Variants in CPNE4 observed in about 807,000 individuals in gnomAD.
The protein encoded by CPNE4 is copine-4.
A neutral mutation model predicts 67.9 loss-of-function variants in CPNE4; 25 were observed. The observed-to-expected ratio is 0.37, with a 90% CI of 0.27 to 0.51. CPNE4 has a LOEUF of 0.51. Among genes scored for constraint, CPNE4 ranks in the 20% least tolerant of loss-of-function variants. The pLI is 0.93. For missense variants in CPNE4, 464 were observed against 690.8 expected, an observed-to-expected ratio of 0.67 and a Z score of 3.68; for synonymous variants, 242 against 244.9, an observed-to-expected ratio of 0.99 and a Z score of 0.11.
intron 1 of CPNE4, among the ~76,000 whole-genome samples, chr3:131,982,832 G>A (rs2072941156): frequency 6.6e-6 from 1 of 151,782 alleles, no homozygotes; most frequent in African/African-American, 2.4e-5. Flanking sequence ...ACTTTAAATT[G>A]GCTTACAATA....
intron 1 of CPNE4, among the ~76,000 whole-genome samples, chr3:131,940,160 TATG>T (rs1390697363): frequency 6.6e-6 from 1 of 152,118 alleles, no homozygotes; most frequent in African/African-American, 2.4e-5. Context: ...ATTAAGGCAT[TATG>T]ATAATTTATA....
chr3:131,862,381 C>T (rs1415455753), intron 2 of CPNE4, among the ~76,000 whole-genome samples: 1 of 152,142 alleles, frequency 6.6e-6, no homozygotes, highest in Non-Finnish European at 1.5e-5. Context: ...CTGTCACATC[C>T]TCATTGTACC....
intron 7 of CPNE4, among the ~76,000 whole-genome samples, chr3:131,667,998 T>G (rs141161909): frequency 6.6e-6 from 1 of 152,310 alleles, no homozygotes; most frequent in East Asian, 1.9e-4. Flanking sequence ...TTGGCCATTC[T>G]GCATAGGAGC....
intron 2 of CPNE4, among the ~76,000 whole-genome samples, chr3:131,810,456 G>A (rs922263205): frequency 1.3e-5 from 2 of 151,826 alleles, no homozygotes; most frequent in African/African-American, 4.8e-5. Context: ...TGAGGGAAAC[G>A]CAAATCAAAA....
intron 1 of CPNE4, among the ~76,000 whole-genome samples, chr3:131,996,334 T>C (rs1337618673): frequency 2.6e-5 from 4 of 151,748 alleles, no homozygotes. Context: ...AGAAACTCTA[T>C]TAAAAATAAA....
intron 1 of CPNE4, among the ~76,000 whole-genome samples, chr3:131,930,695 T>C (rs1183993226): frequency 3.9e-5 from 6 of 152,154 alleles, no homozygotes; most frequent in Non-Finnish European, 8.8e-5. Flanking sequence ...CTTGTTTCAG[T>C]TGGAACAGAC....
At chr3:131,645,353 A>G (rs964875552) in intron 7 of CPNE4, among the ~76,000 whole-genome samples, 1 of 152,202 alleles carries the variant, frequency 6.6e-6, no homozygotes, top group South Asian at 2.1e-4. Flanking sequence ...AGAGAACACA[A>G]GTATGTTTCA....
intron 3 of CPNE4, among the ~76,000 whole-genome samples, chr3:131,721,140 C>T (rs1427699849): frequency 1.3e-5 from 2 of 151,978 alleles, no homozygotes; most frequent in African/African-American, 4.8e-5. Flanking sequence ...ATTTTCATTC[C>T]ATCTTTATCC....
chr3:131,644,731 G>A (rs543045123), intron 7 of CPNE4, among the ~76,000 whole-genome samples: 2 of 152,214 alleles, frequency 1.3e-5, no homozygotes, highest in South Asian at 4.1e-4. Flanking sequence ...CATCCTCTGG[G>A]ACTTACAGGA....
At chr3:131,566,080 T>A (rs2107667974) in intron 10 of CPNE4, among the ~76,000 whole-genome samples, 2 of 151,990 alleles carry the variant, frequency 1.3e-5, no homozygotes, top group Middle Eastern at 3.4e-3. Flanking sequence ...CTTTTTCCAT[T>A]ACGCCATCAT....
intron 1 of CPNE4, among the ~76,000 whole-genome samples, chr3:131,929,971 C>T (rs754934221): frequency 6.6e-6 from 1 of 152,154 alleles, no homozygotes; most frequent in Non-Finnish European, 1.5e-5. Flanking sequence ...AGGACAGGTC[C>T]TCTTGTCTGC....
chr3:131,963,982 T>C (rs979422215), intron 1 of CPNE4, among the ~76,000 whole-genome samples: 1 of 152,136 alleles, frequency 6.6e-6, no homozygotes, highest in Admixed American at 6.5e-5. Context: ...GAGCTCTGGC[T>C]GGCATCTGGT....
At chr3:131,991,705 T>C (rs948698423) in intron 1 of CPNE4, among the ~76,000 whole-genome samples, 3 of 134,794 alleles carry the variant, frequency 2.2e-5, no homozygotes, top group Non-Finnish European at 5.0e-5. Flanking sequence ...ATGGGGAAAA[T>C]GTCTCCAGGG....
chr3:132,023,462 T>C (rs565247312), intron 1 of CPNE4, among the ~76,000 whole-genome samples: 21 of 149,790 alleles, frequency 1.4e-4, no homozygotes, highest in Non-Finnish European at 2.5e-4. Context: ...CAAAAGGCAA[T>C]TGCAAAGCAG....
At chr3:131,570,551 T>C (rs959123560) in intron 10 of CPNE4, among the ~76,000 whole-genome samples, 5 of 152,030 alleles carry the variant, frequency 3.3e-5, no homozygotes, top group African/African-American at 7.2e-5. Flanking sequence ...GAAATTCTAG[T>C]ATCTGGTTTT....
chr3:131,771,352 C>G (rs73875010), intron 2 of CPNE4, among the ~76,000 whole-genome samples: 3 of 151,982 alleles, frequency 2.0e-5, no homozygotes, highest in African/African-American at 7.3e-5. Flanking sequence ...TGTTGAAACT[C>G]GATCCGAATG....
chr3:131,944,589 G>A (rs1367898030), intron 1 of CPNE4, among the ~76,000 whole-genome samples: 3 of 151,912 alleles, frequency 2.0e-5, no homozygotes, highest in Admixed American at 1.3e-4. Context: ...AGGAGCAGCT[G>A]CTATTCCTCT....
chr3:131,882,400 T>C (rs2087711355), intron 2 of CPNE4, among the ~76,000 whole-genome samples: 2 of 152,304 alleles, frequency 1.3e-5, no homozygotes, highest in Non-Finnish European at 2.9e-5. Context: ...TCATTGAGTC[T>C]AATATTAAAC....
At chr3:131,700,843 C>A (rs1185150604) in intron 3 of CPNE4, among the ~76,000 whole-genome samples, 1 of 151,846 alleles carries the variant, frequency 6.6e-6, no homozygotes, top group African/African-American at 2.4e-5. Flanking sequence ...TGGAACCAAC[C>A]CAAATGTCCA....
Sources: gnomAD v4.1 joint callset for allele counts (sites outside exome capture counted in the v4.1 genomes callset) on GRCh38, gnomAD v4.1.1 for gene constraint, MANE v1.5 for transcripts, NCBI Gene and HGNC (gene_info 2026-07-23, HGNC 2026-07-21) for gene names.